Variants in RIC3 observed in about 807,000 individuals in gnomAD.
RIC3 encodes the protein protein RIC-3.
In RIC3, 28 loss-of-function variants were observed where a neutral mutation model predicts 27.3. The ratio of observed to expected loss-of-function variants is 1.02; its 90% confidence interval spans 0.76 to 1.41. RIC3 has a LOEUF of 1.41. RIC3 is among the 40% of genes most tolerant of loss of function. RIC3 has a pLI of 0.00. For missense variants in RIC3, 501 were observed against 444.7 expected (o/e 1.13, Z -1.14); for synonymous variants, 184 against 160.4 (o/e 1.15, Z -1.11).
intron 4 of RIC3, among the ~76,000 whole-genome samples, chr11:8,128,771 T>C (rs1002935532): frequency 4.7e-5 from 7 of 147,528 alleles, no homozygotes; most frequent in Non-Finnish European, 7.5e-5. Context: ...TTTTTTTTTT[T>C]TTTGAGATGG....
chr11:8,115,568 G>A (rs1294933488), intron 5 of RIC3, among the ~76,000 whole-genome samples: 1 of 152,176 alleles, frequency 6.6e-6, no homozygotes, highest in East Asian at 1.9e-4. Flanking sequence ...AGCACTTTGG[G>A]AGGCTGTGAC....
At chr11:8,112,417 C>T (rs760839544) in intron 5 of RIC3, among the ~76,000 whole-genome samples, 25 of 152,148 alleles carry the variant, frequency 1.6e-4, no homozygotes, top group Middle Eastern at 3.4e-3. Context: ...CCTCAGCCTC[C>T]TGAGTAGCTG....
At chr11:8,105,529 T>G (rs1166674745), downstream of RIC3, 1 of 152,204 alleles carries the variant, frequency 6.6e-6, no homozygotes, top group Non-Finnish European at 1.5e-5. Flanking sequence ...GAAAGGCAAG[T>G]TGGTCTTATA....
intron 5 of RIC3, among the ~76,000 whole-genome samples, chr11:8,114,499 A>G (rs542387929): frequency 6.9e-4 from 105 of 151,906 alleles, no homozygotes; most frequent in African/African-American, 2.4e-3. Context: ...CCAGCTACTC[A>G]GGAGGCTGAG....
In RIC3 at chr11:8,115,546, G is replaced by A. The variant is rs368661687; in HGVS notation, c.671-4409C>T. 3.1e-4 allele frequency among the ~76,000 whole-genome samples: 47 copies of A among 152,120 alleles called. 1 individual carries two copies. The East Asian group carries it at 7.5e-3, about 24-fold the overall frequency. ...GTATAGGCTAGGTGCGGTGGCTAAC[G>A]CCTGTAATCCCAGCACTTTGGGAGG... is the stretch of plus-strand genomic sequence containing the variant. On this transcript the variant is annotated intron_variant, in intron 5 of 5. Transcript: ENST00000309737.
intron 1 of RIC3, among the ~76,000 whole-genome samples, chr11:8,143,966 G>A (rs1242002231): frequency 1.3e-5 from 2 of 152,172 alleles, no homozygotes; most frequent in Non-Finnish European, 2.9e-5. Context: ...TGGGATAACT[G>A]GCTAGCCATA....
intron 5 of RIC3, among the ~76,000 whole-genome samples, chr11:8,114,954 G>C (rs754430878): frequency 1.3e-5 from 2 of 152,082 alleles, no homozygotes; most frequent in Non-Finnish European, 2.9e-5. Context: ...AGAATGAAAA[G>C]AAAGCAAGCT....
intron 1 of RIC3, among the ~76,000 whole-genome samples, chr11:8,167,361 T>A (rs1402313281): frequency 1.3e-5 from 2 of 152,066 alleles, no homozygotes; most frequent in Non-Finnish European, 2.9e-5. Context: ...AAAGAGTTAT[T>A]TTAGTTAGTG....
rs529719434 is a variant in RIC3, at chr11:8,106,500, A to G, written c.*4198T>C. The G allele has an allele frequency of 6.6e-6, 1 of 152,276 alleles. No individual in the cohort carries two copies. Among genetic ancestry groups the G allele is most frequent in the Non-Finnish European group, 1.5e-5 (1 of 68,082 alleles). 9.4% of individuals were successfully genotyped at this position (152,276 alleles called of 1,614,324 possible). On this transcript the variant is annotated 3_prime_UTR_variant, in exon 6 of 6. Transcript: ENST00000309737. Reference sequence around the variant, plus strand: ...AGTCAGAAGGTACTTAAGTTAGAGCAGTTCTCTTCAGGGTCTGCTGTGCCG... The same window carrying G: ...AGTCAGAAGGTACTTAAGTTAGAGCGGTTCTCTTCAGGGTCTGCTGTGCCG...
chr11:8,137,482 A>G lies in RIC3; in HGVS notation c.428-11T>C, dbSNP rs1423658657. The G allele has an allele frequency of 6.2e-7, 1 of 1,611,168 alleles. No homozygotes were observed. Among genetic ancestry groups the G allele is most frequent in the Admixed American group, 1.7e-5 (1 of 59,992 alleles). On this transcript the variant is annotated splice_polypyrimidine_tract_variant and intron_variant, in intron 3 of 5. Coordinates refer to ENST00000309737, the MANE Select transcript of RIC3 (RefSeq NM_001206671.4). Reference sequence around the variant, plus strand: ...CAAGCTCAAAACTGGCTAAAAAATAAGCAACAATCTAAGAACCATCAGAGA... The same window carrying G: ...CAAGCTCAAAACTGGCTAAAAAATAGGCAACAATCTAAGAACCATCAGAGA...
chr11:8,130,257 T>C (rs923858547), intron 4 of RIC3, among the ~76,000 whole-genome samples: 4 of 151,236 alleles, frequency 2.6e-5, no homozygotes, highest in Admixed American at 6.6e-5. Flanking sequence ...GATTCAGGGA[T>C]AGATATAGGA....
downstream of RIC3, chr11:8,102,287 CATT>C (rs1246109598): frequency 1.3e-5 from 2 of 152,088 alleles, no homozygotes; most frequent in African/African-American, 4.8e-5. Flanking sequence ...GTTTCTAGCG[CATT>C]TGATTTCTCC....
At position 8,154,306 on chromosome 11, in the gene RIC3, A is replaced by G. The variant is rs540241080; in HGVS notation, c.125-14113T>C. On this transcript the variant is annotated intron_variant, in intron 1 of 5. Transcript: ENST00000309737. ...GCTTTTAGATTTTATTGCATTAACTATGCATCTATAAACAATATATAAGCA... is the reference window on the plus strand; with the variant it reads ...GCTTTTAGATTTTATTGCATTAACTGTGCATCTATAAACAATATATAAGCA... Among the ~76,000 whole-genome samples, 27 of 152,332 alleles carry G rather than the reference A, an allele frequency of 1.8e-4. No homozygotes were observed. In the South Asian group the frequency reaches 4.3e-3, roughly 25 times the overall value.
chr11:8,134,561 G>C (rs545206940), intron 4 of RIC3, among the ~76,000 whole-genome samples: 1 of 152,168 alleles, frequency 6.6e-6, no homozygotes, highest in Admixed American at 6.5e-5. Context: ...GATCCCTGAG[G>C]AATCGTCACA....
the RIC3 span, among the ~76,000 whole-genome samples, chr11:8,095,238 T>C: frequency 6.6e-5 from 10 of 152,208 alleles, no homozygotes; most frequent in Non-Finnish European, 1.3e-4. Context: ...TGCCGTCTGC[T>C]TTAAGGACGT....
At chr11:8,162,861 G>C (rs1951308739) in intron 1 of RIC3, among the ~76,000 whole-genome samples, 1 of 151,920 alleles carries the variant, frequency 6.6e-6, no homozygotes, top group South Asian at 2.1e-4. Flanking sequence ...GGCCAGGCTG[G>C]TCTCGAACTC....
intron 4 of RIC3, among the ~76,000 whole-genome samples, chr11:8,133,078 T>C (rs1288332527): frequency 4.6e-5 from 7 of 152,224 alleles, no homozygotes; most frequent in Non-Finnish European, 8.8e-5. Flanking sequence ...AGAGCCCTCA[T>C]GAACAGATTA....
At chr11:8,112,041 T>C (rs1236120086) in intron 5 of RIC3, among the ~76,000 whole-genome samples, 1 of 152,244 alleles carries the variant, frequency 6.6e-6, no homozygotes, top group Non-Finnish European at 1.5e-5. Context: ...AACCATTTTT[T>C]GCCTACAACT....
the RIC3 span, among the ~76,000 whole-genome samples, chr11:8,099,354 T>C: frequency 1.3e-5 from 2 of 152,094 alleles, no homozygotes; most frequent in Non-Finnish European, 2.9e-5. Flanking sequence ...AATATAAATA[T>C]AGGGGATTAC....
Sources: gnomAD v4.1 joint callset for allele counts (sites outside exome capture counted in the v4.1 genomes callset) on GRCh38, gnomAD v4.1.1 for gene constraint, MANE v1.5 for transcripts, NCBI Gene and HGNC (gene_info 2026-07-23, HGNC 2026-07-21) for gene names.